The following PTPRG variants were observed in gnomAD, a reference collection of about 807,000 sequenced individuals.
The protein encoded by PTPRG is receptor-type tyrosine-protein phosphatase gamma.
PTPRG carries 102 observed loss-of-function variants against 165.3 expected under a neutral mutation model. The ratio of observed to expected loss-of-function variants is 0.62; its 90% CI spans 0.53 to 0.73. The LOEUF (loss-of-function observed/expected upper bound fraction) is 0.73, where lower values mean the gene tolerates loss of function less well. Among genes scored for constraint, PTPRG ranks in the 30% least tolerant of loss-of-function variants. The pLI is 0.00. For missense variants in PTPRG, 1,866 were observed against 1,861.4 expected (o/e 1.00, Z -0.05); for synonymous variants, 675 against 669.5 (o/e 1.01, Z -0.13).
intron 1 of PTPRG, among the ~76,000 whole-genome samples, chr3:61,677,269 C>G (rs1359952193): frequency 6.9e-6 from 1 of 144,770 alleles, no homozygotes; most frequent in African/African-American, 2.7e-5. Context: ...AAAAAAGAAT[C>G]ACTACCTCTT....
chr3:61,696,155 G>T (rs192787916), intron 1 of PTPRG, among the ~76,000 whole-genome samples: 78 of 152,218 alleles, frequency 5.1e-4, no homozygotes, highest in Middle Eastern at 6.8e-3. Flanking sequence ...ATGCTTGTAT[G>T]TTTGTGCTAT....
rs1701521482 is a variant in PTPRG at position 62,255,680 on chromosome 3, C to G, written c.2559+465C>G. Among the ~76,000 whole-genome samples, 2 of 152,074 alleles carry G rather than the reference C, an allele frequency of 1.3e-5. No individual in the cohort carries two copies. The highest frequency in any genetic ancestry group is 4.8e-5 in the African/African-American group (2 of 41,414). On this transcript the variant is annotated intron_variant, in intron 16 of 29. Transcript: ENST00000474889. The surrounding 1 kb of genome is among the most constrained non-coding windows in gnomAD (Gnocchi z 4.0). ...CACCTCATCTCGGATCCCCAGTTTT[C>G]CCATTTTTGAAAAATGGCACCAATG...
intron 4 of PTPRG, among the ~76,000 whole-genome samples, chr3:62,024,296 C>T (rs1301791708): frequency 6.6e-6 from 1 of 152,074 alleles, no homozygotes; most frequent in Non-Finnish European, 1.5e-5. Flanking sequence ...GAATAAATTT[C>T]TCCATTTATC....
chr3:62,243,781 G>A, intron 14 of PTPRG, 26 bp from the exon 15 acceptor site: 1 of 1,380,428 alleles, frequency 7.2e-7, no homozygotes. Context: ...TTCTATTATT[G>A]ACATGTTTTT....
chr3:62,125,362 G>T (rs1206569067), intron 5 of PTPRG, among the ~76,000 whole-genome samples: 1 of 152,136 alleles, frequency 6.6e-6, no homozygotes. Context: ...TCCCCACTCA[G>T]TGTTTTCTGG....
chr3:61,756,684 A>T (rs1006667670), intron 2 of PTPRG, among the ~76,000 whole-genome samples: 1 of 152,334 alleles, frequency 6.6e-6, no homozygotes, highest in African/African-American at 2.4e-5. Context: ...ATATATTATC[A>T]GAGGACATGA....
At chr3:62,242,903 C>T (rs748922602) in intron 14 of PTPRG, among the ~76,000 whole-genome samples, 4 of 152,048 alleles carry the variant, frequency 2.6e-5, no homozygotes, top group Non-Finnish European at 2.9e-5. Context: ...AGAAGGATGC[C>T]GCCTGCTTGG....
chr3:61,681,183 G>T (rs572734112), intron 1 of PTPRG, among the ~76,000 whole-genome samples: 3 of 151,436 alleles, frequency 2.0e-5, no homozygotes, highest in Admixed American at 1.3e-4. Context: ...CTTGTGAAAA[G>T]CTTCTTTTCT....
intron 8 of PTPRG, among the ~76,000 whole-genome samples, chr3:62,186,968 C>G (rs910988025): frequency 6.6e-6 from 1 of 152,318 alleles, no homozygotes; most frequent in South Asian, 2.1e-4. Flanking sequence ...GGAAGGGGAA[C>G]ATGTCACACA....
At chr3:61,726,551 A>G (rs1440175330) in intron 1 of PTPRG, among the ~76,000 whole-genome samples, 3 of 152,188 alleles carry the variant, frequency 2.0e-5, no homozygotes, top group Non-Finnish European at 4.4e-5. Flanking sequence ...ATATAAGATA[A>G]CCACAAAGCC....
chr3:61,685,778 T>C (rs1703605834), intron 1 of PTPRG, among the ~76,000 whole-genome samples: 1 of 152,204 alleles, frequency 6.6e-6, no homozygotes, highest in Non-Finnish European at 1.5e-5. Flanking sequence ...CAGCATTTTA[T>C]CATCAACTAT....
rs1405168826 is a variant in PTPRG at position 62,132,596 on chromosome 3, A to T, written c.616-6A>T. 6.2e-7 allele frequency: 1 copy of T among 1,600,600 alleles called. No homozygotes were observed. Among genetic ancestry groups the T allele is most frequent in the Admixed American group, 1.7e-5 (1 of 60,012 alleles). Reference sequence around the variant, plus strand: ...ATTTAACCAATCATGTTTCCTTTACATTTAGGTCAGTCCGAGGGACAATTC... The same window carrying T: ...ATTTAACCAATCATGTTTCCTTTACTTTTAGGTCAGTCCGAGGGACAATTC... On this transcript the variant is annotated splice_region_variant and splice_polypyrimidine_tract_variant and intron_variant, in intron 5 of 29. Transcript: ENST00000474889.
intron 1 of PTPRG, among the ~76,000 whole-genome samples, chr3:61,636,218 G>T (rs956826654): frequency 6.6e-6 from 1 of 152,052 alleles, no homozygotes; most frequent in African/African-American, 2.4e-5. Context: ...ATAGTATACA[G>T]TTTACTCATT....
chr3:61,776,132 T>C (rs1335756121), intron 2 of PTPRG, among the ~76,000 whole-genome samples: 1 of 152,004 alleles, frequency 6.6e-6, no homozygotes, highest in African/African-American at 2.4e-5. Context: ...GTCATTGCAT[T>C]GGTCAGGTTG....
chr3:61,743,365 C>T (rs1350313419), intron 1 of PTPRG, among the ~76,000 whole-genome samples: 1 of 152,146 alleles, frequency 6.6e-6, no homozygotes, highest in Non-Finnish European at 1.5e-5. Flanking sequence ...CCACTCTTAC[C>T]TTGTCAAAAT....
chr3:62,267,371 A>G (rs1167127558), intron 17 of PTPRG, 39 bp from the exon 18 acceptor site: 9 of 1,417,534 alleles, frequency 6.3e-6, no homozygotes, highest in Non-Finnish European at 8.9e-6. Context: ...TTTCTGAATT[A>G]TCCATTTTAT....
At chr3:61,801,764 A>G (rs1385127637) in intron 2 of PTPRG, among the ~76,000 whole-genome samples, 1 of 152,138 alleles carries the variant, frequency 6.6e-6, no homozygotes, top group Non-Finnish European at 1.5e-5. Flanking sequence ...ACAGCAGGGA[A>G]TGTTTGGAAG....
rs951369314 is a variant in PTPRG at position 62,112,303 on chromosome 3, T to C, written c.616-20299T>C. ...TATTTTTACTAGAGGCGGGTTTCAC[T>C]ATGTTGGCCAGGCTGGTCTCAAACT... On this transcript the variant is annotated intron_variant, in intron 5 of 29. Coordinates refer to ENST00000474889, the MANE Select transcript of PTPRG (RefSeq NM_002841.4). Among the ~76,000 whole-genome samples, 40 of 152,062 alleles carry C rather than the reference T, an allele frequency of 2.6e-4. 1 individual carries two copies. The highest frequency in any genetic ancestry group is 3.4e-3 in the Middle Eastern group (1 of 294).
rs545744843 is a variant in PTPRG, at chr3:61,602,827, C to G, written c.85+40455C>G. 2.0e-5 allele frequency among the ~76,000 whole-genome samples: 3 copies of G among 152,170 alleles called. No homozygotes were observed. The South Asian group carries it at 6.2e-4, about 32-fold the overall frequency. ...GTTACATTTTCAGGAATTTTGAGAG[C>G]CAATTATTAAACACAGTCTTTTAAA... is the stretch of plus-strand genomic sequence containing the variant. On this transcript the variant is annotated intron_variant, in intron 1 of 29. Transcript: ENST00000474889.
Sources: allele counts gnomAD v4.1 joint callset (sites outside exome capture counted in the v4.1 genomes callset), GRCh38; gene constraint gnomAD v4.1.1; non-coding constraint Gnocchi (gnomAD v3.1); transcripts MANE v1.5; gene names NCBI Gene and HGNC (gene_info 2026-07-23, HGNC 2026-07-21).